RAB4B: variants seen among roughly 807,000 people sequenced by gnomAD.
RAB4B encodes the protein RAB4B, member RAS oncogene family, also known as ras-related protein Rab-4B.
A neutral mutation model predicts 28.3 loss-of-function variants in RAB4B; 15 were observed. That is an observed-to-expected ratio of 0.53 (90% confidence interval 0.35 to 0.82). The LOEUF is 0.82. Ranked by LOEUF, RAB4B falls within the 40% of genes least tolerant of loss-of-function variation. RAB4B has a pLI of 0.01. For missense variants in RAB4B, 244 were observed against 288.5 expected (o/e 0.85, Z 1.12); for synonymous variants, 108 against 116.3 (o/e 0.93, Z 0.46).
intron 5 of RAB4B, chr19:40,785,948 G>T (rs2083094518): frequency 6.2e-6 from 1 of 160,712 alleles, no homozygotes; most frequent in South Asian, 1.6e-4. Flanking sequence ...CCAGTACTGG[G>T]GGGGCAGGCA....
Position 40,784,038 on chromosome 19 carries a change from C to T in RAB4B, c.393C>T (p.Val131=), listed in dbSNP as rs2145045256. ...NKKDLDPERE[V]TFLEASRFAQ... The stretch of plus-strand genomic sequence containing the variant: ...AGGACCTGGACCCTGAGCGGGAGGT[C>T]ACTTTCCTGGAGGCCTCCCGCTTTG... Residue 131 remains valine (V), a synonymous_variant, in exon 5 of 8, where the codon GTC becomes GTT. Coordinates refer to ENST00000357052, the MANE Select transcript of RAB4B (RefSeq NM_016154.5). 6.2e-7 allele frequency: 1 copy of T among 1,613,854 alleles called. No individual in the cohort carries two copies. The highest frequency in any genetic ancestry group is 8.5e-7 in the Non-Finnish European group (1 of 1,179,794).
At chr19:40,780,343 C>G (rs765908078) in intron 2 of RAB4B, 42 bp from the exon 3 acceptor site, 30 of 1,543,882 alleles carry the variant, frequency 1.9e-5, no homozygotes, top group Non-Finnish European at 2.6e-5. Flanking sequence ...TGAGCTGTCT[C>G]CTCTCTCCCT....
intron 7 of RAB4B, among the ~76,000 whole-genome samples, chr19:40,789,541 G>A (rs1385568546): frequency 8.8e-6 from 1 of 113,096 alleles, no homozygotes; most frequent in Non-Finnish European, 1.7e-5. Flanking sequence ...GTCTCACTCT[G>A]TCGCCATGCT....
chr19:40,784,159 C>G (rs1363813831), intron 5 of RAB4B, 84 bp downstream of exon 5: 1 of 1,466,776 alleles, frequency 6.8e-7, no homozygotes, highest in Non-Finnish European at 9.1e-7. Flanking sequence ...AGTGGCTGTA[C>G]CCAGCAGGGG....
At chr19:40,786,619 G>T in intron 5 of RAB4B, 46 bp from the exon 6 acceptor site, 1 of 1,610,440 alleles carries the variant, frequency 6.2e-7, no homozygotes, top group Non-Finnish European at 8.5e-7. Context: ...TCAGTGGAGG[G>T]TGGGGACTAA....
At chr19:40,789,844 A>C (rs1410301535) in intron 7 of RAB4B, among the ~76,000 whole-genome samples, 3 of 152,226 alleles carry the variant, frequency 2.0e-5, no homozygotes, top group Non-Finnish European at 4.4e-5. Flanking sequence ...CTCGCTGAGA[A>C]GATGACATTT....
intron 1 of RAB4B, among the ~76,000 whole-genome samples, chr19:40,778,709 A>G (rs747481022): frequency 3.9e-5 from 6 of 151,988 alleles, no homozygotes; most frequent in Non-Finnish European, 7.4e-5. Flanking sequence ...GGCGGGGCTG[A>G]CTGCATGAAT....
At position 40,780,499 on chromosome 19, in the gene RAB4B, G is replaced by A. The variant is rs373783874; in HGVS notation, c.212G>A (p.Arg71Gln). Residue 71 changes from arginine to glutamine, a missense_variant and splice_region_variant, in exon 3 of 8, where the codon CGG becomes CAG. By Grantham distance (43) the Arg-to-Gln change is conservative. Transcript: ENST00000357052. Reference protein sequence around the residue: ...IWDTAGQERFRSVTRSYYRGA... With the variant: ...IWDTAGQERFQSVTRSYYRGA... ...GACACGGCTGGCCAGGAGCGGTTTC[G>A]GTAGGTGGGCTGGGCTCCCAAGGGT... is the stretch of plus-strand genomic sequence containing the variant. 26 of 1,612,692 alleles carry A rather than the reference G, an allele frequency of 1.6e-5. No homozygotes were observed. Among genetic ancestry groups the A allele is most frequent in the Non-Finnish European group, 2.0e-5 (24 of 1,179,362 alleles).
chr19:40,795,123 C>T (rs142073896), intron 7 of RAB4B, among the ~76,000 whole-genome samples: 1,846 of 146,448 alleles, frequency 0.013, 34 homozygotes, highest in African/African-American at 0.044. Context: ...GAGCCTAGAT[C>T]GCGCCACTGC....
At chr19:40,779,611 C>T (rs3875145) in intron 1 of RAB4B, 126,055 of 203,830 alleles carry the variant, frequency 0.62, 40,184 homozygotes, top group Admixed American at 0.71. Context: ...AGTGTGGTGG[C>T]GCATGCCTGT....
intron 3 of RAB4B, among the ~76,000 whole-genome samples, chr19:40,781,312 GAATAAATA>G (rs769534052): frequency 3.7e-3 from 533 of 144,426 alleles, no homozygotes; most frequent in Non-Finnish European, 6.4e-3. Context: ...ATAAATAAAT[GAATAAATA>G]AATAAATAAA....
chr19:40,795,513 C>A (rs2083201547), intron 7 of RAB4B, among the ~76,000 whole-genome samples: 2 of 151,774 alleles, frequency 1.3e-5, no homozygotes, highest in South Asian at 2.1e-4. Context: ...GATTCTCCTG[C>A]CTCAGCCTCC....
chr19:40,786,739 A>G lies in RAB4B; in HGVS notation c.505A>G (p.Ile169Val), dbSNP rs1475430259. Residue 169 changes from isoleucine to valine, a missense_variant, in exon 6 of 8, where the codon ATC becomes GTC. Ile to Val is a conservative substitution (Grantham distance 29). Coordinates refer to ENST00000357052, the MANE Select transcript of RAB4B (RefSeq NM_016154.5). ...GGCGTTCCTCAAGTGTGCCCGCACTATCCTCAACAAGATTGACTCAGGTGA... is the reference window on the plus strand; with the variant it reads ...GGCGTTCCTCAAGTGTGCCCGCACTGTCCTCAACAAGATTGACTCAGGTGA... Reference protein sequence around the residue: ...EEAFLKCARTILNKIDSGELD... With the variant: ...EEAFLKCARTVLNKIDSGELD... 4 of 1,614,136 alleles carry G rather than the reference A, an allele frequency of 2.5e-6. No individual in the cohort carries two copies. The highest frequency in any genetic ancestry group is 1.7e-5 in the Admixed American group (1 of 60,024).
At chr19:40,780,350 C>G (rs751388347) in intron 2 of RAB4B, 35 bp from the exon 3 acceptor site, 1 of 1,556,420 alleles carries the variant, frequency 6.4e-7, no homozygotes, top group Non-Finnish European at 8.7e-7. Flanking sequence ...TCTCCTCTCT[C>G]CCTGTACTGC....
At chr19:40,786,245 C>A (rs2083097759) in intron 5 of RAB4B, 1 of 281,864 alleles carries the variant, frequency 3.5e-6, no homozygotes, top group Non-Finnish European at 6.9e-6. Flanking sequence ...TGGAATGGGG[C>A]AGGTCCAGGC....
intron 7 of RAB4B, among the ~76,000 whole-genome samples, chr19:40,788,511 A>G (rs1268741174): frequency 2.0e-5 from 3 of 146,580 alleles, no homozygotes; most frequent in Non-Finnish European, 3.0e-5. Context: ...AAAGTAAAGT[A>G]TGTAGTAGTG....
chr19:40,793,565 C>CTTTTTTTTTTTTTTTT (rs1269603015), intron 7 of RAB4B, among the ~76,000 whole-genome samples: 1 of 123,838 alleles, frequency 8.1e-6, no homozygotes, highest in Admixed American at 8.9e-5. Context: ...CTTTTCTTTT[C>CTTTTTTTTTTTTTTTT]TTTTTTGTTT....
chr19:40,783,007 G>A (rs1449947506), intron 3 of RAB4B, among the ~76,000 whole-genome samples: 3 of 151,790 alleles, frequency 2.0e-5, no homozygotes, highest in African/African-American at 2.4e-5. Context: ...ATGTGGTGGC[G>A]TGCATCTGTA....
At chr19:40,778,694 GA>G (rs1410754023) in intron 1 of RAB4B, among the ~76,000 whole-genome samples, 1 of 152,138 alleles carries the variant, frequency 6.6e-6, no homozygotes, top group Non-Finnish European at 1.5e-5. Context: ...GAGCCTGAGT[GA>G]AGGGGCGGGG....
Sources: allele counts gnomAD v4.1 joint callset (sites outside exome capture counted in the v4.1 genomes callset), GRCh38; gene constraint gnomAD v4.1.1; transcripts MANE v1.5; gene names NCBI Gene and HGNC (gene_info 2026-07-23, HGNC 2026-07-21).